GPM6A: variants seen among roughly 807,000 people sequenced by gnomAD.
GPM6A encodes neuronal membrane glycoprotein M6-a.
A neutral mutation model predicts 32.1 loss-of-function variants in GPM6A; 7 were observed. The observed-to-expected ratio is 0.22, with a 90% CI of 0.12 to 0.41. The LOEUF (loss-of-function observed/expected upper bound fraction) is 0.41, where lower values mean the gene tolerates loss of function less well. Among genes scored for constraint, GPM6A ranks in the 10% least tolerant of loss-of-function variants. The pLI, the probability that GPM6A is intolerant of heterozygous loss-of-function variation, is 1.00. For synonymous variants in GPM6A, 130 were observed against 123.4 expected, an observed-to-expected ratio of 1.05 and a Z score of -0.35; for missense variants, 235 against 347.2, an observed-to-expected ratio of 0.68 and a Z score of 2.57.
intron 1 of GPM6A, among the ~76,000 whole-genome samples, chr4:175,864,970 C>T (rs573518312): frequency 1.8e-4 from 28 of 152,102 alleles, no homozygotes; most frequent in African/African-American, 5.3e-4. Context: ...CCACTACCAC[C>T]GGGCTAATTT....
intron 1 of GPM6A, among the ~76,000 whole-genome samples, chr4:175,903,735 A>G (rs1474747923): frequency 1.3e-5 from 2 of 152,128 alleles, no homozygotes; most frequent in East Asian, 1.9e-4. Flanking sequence ...AATTTTTTTA[A>G]ATCTCAAGAT....
At chr4:175,993,969 T>C (rs1315456247) in intron 1 of GPM6A, among the ~76,000 whole-genome samples, 1 of 152,248 alleles carries the variant, frequency 6.6e-6, no homozygotes, top group South Asian at 2.1e-4. Context: ...GAAATATTTA[T>C]TATGTTCACA....
At chr4:175,848,679 A>C (rs557436198) in intron 1 of GPM6A, among the ~76,000 whole-genome samples, 1 of 152,196 alleles carries the variant, frequency 6.6e-6, no homozygotes, top group Non-Finnish European at 1.5e-5. Flanking sequence ...GAGAATATTA[A>C]CAATTTGCCT....
intron 1 of GPM6A, among the ~76,000 whole-genome samples, chr4:175,893,892 A>T (rs1401779025): frequency 6.6e-6 from 1 of 152,204 alleles, no homozygotes; most frequent in East Asian, 1.9e-4. Context: ...AAAAAGCGAT[A>T]TAAATTAATT....
intron 1 of GPM6A, among the ~76,000 whole-genome samples, chr4:175,743,127 A>G (rs967662734): frequency 1.3e-5 from 2 of 152,064 alleles, no homozygotes; most frequent in African/African-American, 2.4e-5. Context: ...AAAGAAGGAC[A>G]AGGAAGGGAA....
At chr4:175,752,786 C>T (rs1260766757) in intron 1 of GPM6A, among the ~76,000 whole-genome samples, 1 of 152,162 alleles carries the variant, frequency 6.6e-6, no homozygotes, top group Non-Finnish European at 1.5e-5. Context: ...GTTATGCCAT[C>T]TTCCTCTCTT....
chr4:175,976,328 A>AT (rs34163669), intron 1 of GPM6A, among the ~76,000 whole-genome samples: 68,900 of 137,264 alleles, frequency 0.5, 20,276 homozygotes, highest in Non-Finnish European at 0.63. Context: ...CGCCTGGCTA[A>AT]TTTTTTTTTT....
intron 1 of GPM6A, among the ~76,000 whole-genome samples, chr4:175,909,052 G>GGGC (rs10679737): frequency 1.3e-5 from 1 of 78,152 alleles, no homozygotes; most frequent in Non-Finnish European, 2.6e-5. Context: ...CGGGGGGGGG[G>GGGC]CAACTAGCTC....
intron 1 of GPM6A, among the ~76,000 whole-genome samples, chr4:175,862,636 A>C (rs1736608225): frequency 6.6e-6 from 1 of 152,190 alleles, no homozygotes; most frequent in African/African-American, 2.4e-5. Context: ...ATTGCTTTGG[A>C]GCACGTGGCA....
chr4:175,787,984 A>T (rs1733865832), intron 1 of GPM6A: 1 of 152,156 alleles, frequency 6.6e-6, no homozygotes, highest in Admixed American at 6.6e-5. Context: ...TGAAAATTAC[A>T]CTTTTCCATT....
intron 1 of GPM6A, among the ~76,000 whole-genome samples, chr4:175,775,082 TAGA>T (rs1733340635): frequency 6.6e-6 from 1 of 152,116 alleles, no homozygotes; most frequent in African/African-American, 2.4e-5. Flanking sequence ...TACCATGGCT[TAGA>T]AGGTTCACAA....
At chr4:175,653,957 G>A (rs572320912) in intron 3 of GPM6A, among the ~76,000 whole-genome samples, 1 of 152,218 alleles carries the variant, frequency 6.6e-6, no homozygotes, top group Admixed American at 6.5e-5. Flanking sequence ...GAACAGTGGA[G>A]GGGTCAGCTC....
chr4:175,859,315 G>A (rs1307770022), intron 1 of GPM6A, among the ~76,000 whole-genome samples: 2 of 152,132 alleles, frequency 1.3e-5, no homozygotes, highest in Admixed American at 6.6e-5. Context: ...AGAAATTTAA[G>A]TTAAACCTGC....
intron 1 of GPM6A, among the ~76,000 whole-genome samples, chr4:175,897,138 T>C (rs1476835101): frequency 1.3e-5 from 2 of 151,998 alleles, no homozygotes; most frequent in African/African-American, 4.8e-5. Context: ...GGAGACATCC[T>C]CGGGATTAGG....
At chr4:175,662,180 T>C (rs1281507024) in intron 3 of GPM6A, among the ~76,000 whole-genome samples, 1 of 152,172 alleles carries the variant, frequency 6.6e-6, no homozygotes, top group Non-Finnish European at 1.5e-5. Flanking sequence ...AGTGTGATTC[T>C]ACCTCCCTGT....
At chr4:175,701,156 G>A (rs1227379748) in intron 2 of GPM6A, among the ~76,000 whole-genome samples, 1 of 152,042 alleles carries the variant, frequency 6.6e-6, no homozygotes, top group African/African-American at 2.4e-5. Context: ...CCATACCCAG[G>A]GCTGAGTTTA....
chr4:175,891,467 T>C (rs1190324503), intron 1 of GPM6A: 1 of 152,218 alleles, frequency 6.6e-6, no homozygotes, highest in East Asian at 1.9e-4. Context: ...ACTTACCTAA[T>C]GCAAGTCCAA....
At chr4:175,988,786 A>G (rs1234475018) in intron 1 of GPM6A, among the ~76,000 whole-genome samples, 1 of 152,194 alleles carries the variant, frequency 6.6e-6, no homozygotes, top group Non-Finnish European at 1.5e-5. Context: ...GTGCATCAAA[A>G]CCAGCCAAGA....
chr4:175,959,594 G>A (rs1490532050), intron 1 of GPM6A, among the ~76,000 whole-genome samples: 1 of 152,132 alleles, frequency 6.6e-6, no homozygotes, highest in African/African-American at 2.4e-5. Flanking sequence ...TCACTCACTA[G>A]AGATGTATGC....
Sources: gnomAD v4.1 joint callset for allele counts (sites outside exome capture counted in the v4.1 genomes callset) on GRCh38, gnomAD v4.1.1 for gene constraint, MANE v1.5 for transcripts, NCBI Gene and HGNC (gene_info 2026-07-23, HGNC 2026-07-21) for gene names.